DYM: variants seen among roughly 807,000 people sequenced by gnomAD.
The protein encoded by DYM is dymeclin, also known as dyggve-Melchior-Clausen syndrome protein.
In DYM, 78 loss-of-function variants were observed where a neutral mutation model predicts 93.1. The ratio of observed to expected loss-of-function variants is 0.84; its 90% CI spans 0.70 to 1.01. DYM has a LOEUF of 1.01. Among genes scored for constraint, DYM ranks in the 50% least tolerant of loss-of-function variants. DYM has a pLI of 0.00. For synonymous variants in DYM, 321 were observed against 319.7 expected, an observed-to-expected ratio of 1.00 and a Z score of -0.04; for missense variants, 789 against 845.0, an observed-to-expected ratio of 0.93 and a Z score of 0.82.
At chr18:49,063,060 G>T (rs550264506) in intron 17 of DYM, among the ~76,000 whole-genome samples, 112 of 152,280 alleles carry the variant, frequency 7.4e-4, no homozygotes, top group Non-Finnish European at 1.2e-3. Flanking sequence ...TACAGGAAAT[G>T]GAACCCTACT....
intron 14 of DYM, among the ~76,000 whole-genome samples, chr18:49,187,698 A>G (rs2090578772): frequency 1.3e-5 from 2 of 152,228 alleles, no homozygotes; most frequent in Non-Finnish European, 2.9e-5. Context: ...TTAATAGGCC[A>G]GAAAATAACT....
chr18:49,039,740 C>T lies in DYM; in HGVS notation c.*4315G>A, dbSNP rs866854873. Reference sequence around the variant, plus strand: ...TACTTTAGTTATAGAATTTCCAATGCGCCTTTTACAGTTTCTAACTCTCTG... The same window carrying T: ...TACTTTAGTTATAGAATTTCCAATGTGCCTTTTACAGTTTCTAACTCTCTG... On this transcript the variant is annotated 3_prime_UTR_variant, in exon 18 of 18. Coordinates refer to ENST00000675505, the MANE Select transcript of DYM (RefSeq NM_001353214.3). Among the ~76,000 whole-genome samples the T allele has an allele frequency of 5.3e-5, 8 of 152,072 alleles. No homozygotes were observed. The highest frequency in any genetic ancestry group is 1.9e-4 in the East Asian group (1 of 5,200).
At chr18:49,325,606 A>C (rs901717373) in intron 8 of DYM, among the ~76,000 whole-genome samples, 2 of 152,222 alleles carry the variant, frequency 1.3e-5, no homozygotes, top group African/African-American at 4.8e-5. Context: ...CTTTATATAT[A>C]AAGTTTGAAA....
At chr18:49,307,294 C>T (rs2061330238) in intron 8 of DYM, among the ~76,000 whole-genome samples, 1 of 152,036 alleles carries the variant, frequency 6.6e-6, no homozygotes. Flanking sequence ...AGCCAGGATC[C>T]TTTTCTTTTG....
intron 17 of DYM, among the ~76,000 whole-genome samples, chr18:49,085,606 CTTT>C (rs11437833): frequency 5.3e-4 from 54 of 102,156 alleles, no homozygotes; most frequent in Admixed American, 1.7e-3. Flanking sequence ...ACAACTGGTC[CTTT>C]TTTTTTTTTT....
intron 14 of DYM, among the ~76,000 whole-genome samples, chr18:49,164,406 T>C (rs1024424078): frequency 2.0e-5 from 3 of 152,150 alleles, no homozygotes; most frequent in African/African-American, 7.2e-5. Context: ...TTATAATCCC[T>C]AACAAAAGGG....
At chr18:49,248,906 T>G (rs888869270) in intron 13 of DYM, among the ~76,000 whole-genome samples, 1 of 152,202 alleles carries the variant, frequency 6.6e-6, no homozygotes, top group Non-Finnish European at 1.5e-5. Context: ...ATGTCAGTTC[T>G]AAAAAAGTGG....
At chr18:49,157,539 A>G (rs1382966110) in intron 15 of DYM, among the ~76,000 whole-genome samples, 1 of 152,196 alleles carries the variant, frequency 6.6e-6, no homozygotes, top group African/African-American at 2.4e-5. Flanking sequence ...CAGTGAGGCA[A>G]AATGACATAC....
In DYM at chr18:49,254,325, T is replaced by TATAC. The variant is rs1279388698; in HGVS notation, c.1460+2684_1460+2685insGTAT. 1.7e-4 allele frequency among the ~76,000 whole-genome samples: 24 copies of TATAC among 138,606 alleles called. No individual in the cohort carries two copies. In the South Asian group the frequency reaches 1.9e-3, roughly 11 times the overall value. The allele number at this position is 138,606 out of a possible 152,430, so 90.9% of individuals were successfully genotyped here. A position where few individuals can be genotyped will look rare whatever the true frequency, so the allele number is the denominator to read the frequency against. ...ATATATATATATATATATATATATA[T>TATAC]ACACACATAGATGGGTCCTGGTCTT... On this transcript the variant is annotated intron_variant, in intron 13 of 17. Coordinates refer to ENST00000675505, the MANE Select transcript of DYM (RefSeq NM_001353214.3).
intron 15 of DYM, among the ~76,000 whole-genome samples, chr18:49,136,342 T>TTA (rs915522304): frequency 6.6e-5 from 10 of 152,250 alleles, no homozygotes; most frequent in East Asian, 1.9e-4. Context: ...TACATATATG[T>TTA]TATATATATA....
chr18:49,150,836 T>C (rs565487859), intron 15 of DYM, among the ~76,000 whole-genome samples: 1 of 152,322 alleles, frequency 6.6e-6, no homozygotes, highest in East Asian at 1.9e-4. Context: ...GTGACTCAAA[T>C]GTGTGAAAAT....
chr18:49,064,669 C>T (rs1182747300), intron 17 of DYM, among the ~76,000 whole-genome samples: 1 of 152,090 alleles, frequency 6.6e-6, no homozygotes, highest in African/African-American at 2.4e-5. Context: ...GGCTAGCAGG[C>T]ATTTGAAATC....
At chr18:49,361,585 G>T (rs906145584) in intron 6 of DYM, among the ~76,000 whole-genome samples, 29 of 152,258 alleles carry the variant, frequency 1.9e-4, no homozygotes, top group Admixed American at 5.9e-4. Flanking sequence ...ATGGTTTGCG[G>T]TCCTCCAAAG....
Position 49,333,805 on chromosome 18 carries a change from A to C in DYM, c.543T>G (p.Val181=), listed in dbSNP as rs759683937. ...TGTGGAAGAGTTGGCAGGAAAGGAA[A>C]ACAACCATTGTTGATATAGCTTCTA... The part of the protein sequence containing the change: ...ISVEAISTMV[V]FLSCQLFHKE... Residue 181 remains valine (V), a synonymous_variant, in exon 7 of 18, where the codon GTT becomes GTG. Transcript: ENST00000675505. 53 of 1,613,486 alleles carry C rather than the reference A, an allele frequency of 3.3e-5. No homozygotes were observed. In the South Asian group the frequency reaches 5.6e-4, roughly 17 times the overall value.
intron 1 of DYM, among the ~76,000 whole-genome samples, chr18:49,449,142 T>G (rs1170377986): frequency 1.3e-5 from 2 of 152,172 alleles, no homozygotes; most frequent in East Asian, 3.9e-4. Context: ...TTCCCTCCTC[T>G]TTGCAAGACC....
chr18:49,271,247 G>T (rs2094689953), intron 11 of DYM, among the ~76,000 whole-genome samples: 4 of 152,082 alleles, frequency 2.6e-5, no homozygotes, highest in Non-Finnish European at 5.9e-5. Context: ...GCAATGATGT[G>T]CTACAGAAAT....
intron 6 of DYM, among the ~76,000 whole-genome samples, chr18:49,353,031 CAA>C (rs1568302845): frequency 6.6e-6 from 1 of 151,972 alleles, no homozygotes; most frequent in Admixed American, 6.6e-5. Flanking sequence ...AATGTAGAAA[CAA>C]AAAAGTTTCC....
At chr18:49,237,494 G>C (rs561291919) in intron 13 of DYM, among the ~76,000 whole-genome samples, 2 of 152,268 alleles carry the variant, frequency 1.3e-5, no homozygotes, top group South Asian at 4.1e-4. Context: ...CTTGGAAGCA[G>C]ACATTATATT....
chr18:49,363,270 G>A (rs1311912930), intron 5 of DYM, 37 bp from the exon 6 acceptor site: 1 of 1,418,572 alleles, frequency 7.0e-7, no homozygotes, highest in African/African-American at 1.4e-5. Context: ...TTTTAACAAA[G>A]TACACAGTAG....
Sources: gnomAD v4.1 joint callset for allele counts (sites outside exome capture counted in the v4.1 genomes callset) on GRCh38, gnomAD v4.1.1 for gene constraint, MANE v1.5 for transcripts, NCBI Gene and HGNC (gene_info 2026-07-23, HGNC 2026-07-21) for gene names.